The following GAK variants were observed in gnomAD, a reference collection of about 807,000 sequenced individuals.
The protein encoded by GAK is cyclin G associated kinase.
GAK carries 79 observed loss-of-function variants against 143.9 expected under a neutral mutation model. That is an observed-to-expected ratio of 0.55 (90% CI 0.46 to 0.66). The LOEUF (loss-of-function observed/expected upper bound fraction) is 0.66, where lower values mean the gene tolerates loss of function less well. Among genes scored for constraint, GAK ranks in the 30% least tolerant of loss-of-function variants. The probability of loss-of-function intolerance (pLI) is 0.00; values close to 1 mark genes in which losing one functional copy is unlikely to be tolerated. For missense variants in GAK, 1,693 were observed against 1,779.7 expected (o/e 0.95, Z 0.88); for synonymous variants, 881 against 765.5 (o/e 1.15, Z -2.49).
chr4:865,021 C>G (rs778197359), intron 23 of GAK, 101 bp downstream of exon 23: 1 of 1,463,304 alleles, frequency 6.8e-7, no homozygotes, highest in African/African-American at 1.4e-5. Context: ...TTCCTTCCTT[C>G]TCTGCGCAGA....
At chr4:896,178 C>G (rs779690493) in intron 7 of GAK, among the ~76,000 whole-genome samples, 1 of 152,130 alleles carries the variant, frequency 6.6e-6, no homozygotes, top group South Asian at 2.1e-4. Flanking sequence ...GTGGGAGGAT[C>G]CCTTGAGCCC....
At chr4:889,024 G>C in intron 10 of GAK, 54 bp from the exon 11 acceptor site, 1 of 1,548,040 alleles carries the variant, frequency 6.5e-7, no homozygotes, top group Non-Finnish European at 8.7e-7. Flanking sequence ...CACCTCCCCA[G>C]GTGCGGGTTG....
intron 3 of GAK, 166 bp from the exon 4 acceptor site, chr4:911,953 C>T (rs761454903): frequency 5.4e-5 from 30 of 558,804 alleles, no homozygotes; most frequent in Middle Eastern, 3.1e-4. Flanking sequence ...AGTGGACGAC[C>T]GAGAGAAAGG....
At chr4:903,212 T>C (rs1324477279) in intron 5 of GAK, among the ~76,000 whole-genome samples, 1 of 152,044 alleles carries the variant, frequency 6.6e-6, no homozygotes, top group Non-Finnish European at 1.5e-5. Flanking sequence ...TGTGTGGCAG[T>C]GTGGTGGGCA....
rs752149082 is a variant in GAK at position 850,021 on chromosome 4, C to G, written c.3705G>C (p.Leu1235=). 6.2e-7 allele frequency: 1 copy of G among 1,604,792 alleles called. No homozygotes were observed. Among genetic ancestry groups the G allele is most frequent in the Non-Finnish European group, 8.5e-7 (1 of 1,174,584 alleles). ...EGKERNIRAL[L]STLHTVLWDG... is the part of the protein sequence containing the mutation. ...CCCACAGCACTGTGTGCAGCGTGGACAGCAGGGCCCGGATGTTCCGCTCCT... is the reference window on the plus strand; with the variant it reads ...CCCACAGCACTGTGTGCAGCGTGGAGAGCAGGGCCCGGATGTTCCGCTCCT... The change falls in exon 27 of 28, where the codon CTG becomes CTC. Residue 1235 remains leucine (L), a synonymous_variant. Coordinates refer to ENST00000314167, the MANE Select transcript of GAK (RefSeq NM_005255.4).
intron 6 of GAK, 74 bp from the exon 7 acceptor site, chr4:896,623 T>G: frequency 8.6e-7 from 1 of 1,164,250 alleles, no homozygotes; most frequent in South Asian, 1.3e-5. Flanking sequence ...ACCACTTCCG[T>G]GCAGCTTTCC....
chr4:874,651 C>T (rs918610314), intron 18 of GAK, among the ~76,000 whole-genome samples: 5 of 151,746 alleles, frequency 3.3e-5, no homozygotes, highest in Non-Finnish European at 4.4e-5. Context: ...GGTACTGAAC[C>T]TCTTTTCTTC....
chr4:882,606 G>A, intron 14 of GAK, 91 bp downstream of exon 14: 1 of 1,499,334 alleles, frequency 6.7e-7, no homozygotes, highest in Non-Finnish European at 9.1e-7. Context: ...ACAGGCCCCA[G>A]CTCATGACTG....
intron 4 of GAK, among the ~76,000 whole-genome samples, chr4:908,065 G>A (rs1721403839): frequency 6.6e-6 from 1 of 152,190 alleles, no homozygotes; most frequent in African/African-American, 2.4e-5. Flanking sequence ...CACCCGTCCT[G>A]CTCAAGCCTT....
intron 20 of GAK, 69 bp from the exon 21 acceptor site, chr4:867,501 TC>T: frequency 8.9e-7 from 1 of 1,127,218 alleles, no homozygotes; most frequent in East Asian, 2.6e-5. Flanking sequence ...CCACGGCGCG[TC>T]CCTTCAGGGC....
intron 1 of GAK, among the ~76,000 whole-genome samples, chr4:925,768 T>A (rs1475560049): frequency 6.6e-6 from 1 of 152,170 alleles, no homozygotes; most frequent in African/African-American, 2.4e-5. Context: ...AGACACCAGA[T>A]CTGCCGGCGC....
intron 24 of GAK, among the ~76,000 whole-genome samples, chr4:858,629 T>C (rs1391949406): frequency 6.6e-6 from 1 of 151,876 alleles, no homozygotes; most frequent in Non-Finnish European, 1.5e-5. Context: ...ACCTGAAACA[T>C]AAAAAGAACA....
rs139521838 is a variant in GAK at position 851,046 on chromosome 4, G to A, written c.3547C>T (p.Leu1183=). ...PKVSENDFED[L]LSNQGFSSRS... ...GAGGAGAAGCCTTGATTGGACAACA[G>A]ATCTTCAAAGTCGTTCTCAGAGACT... is the stretch of plus-strand genomic sequence containing the variant. Residue 1183 remains leucine (L), a synonymous_variant, in exon 26 of 28, where the codon CTG becomes TTG. Coordinates refer to ENST00000314167, the MANE Select transcript of GAK (RefSeq NM_005255.4). The A allele has an allele frequency of 1.0e-4, 163 of 1,613,946 alleles. No individual in the cohort carries two copies. The highest frequency in any genetic ancestry group is 8.0e-5 in the Non-Finnish European group (94 of 1,179,940).
At position 849,529 on chromosome 4, in the gene GAK, A is replaced by G. The variant is rs776245295; in HGVS notation, c.*144T>C. On this transcript the variant is annotated 3_prime_UTR_variant, in exon 28 of 28. Coordinates refer to ENST00000314167, the MANE Select transcript of GAK (RefSeq NM_005255.4). ...AATGCTTTCTCTTCATGTGCCTGGA[A>G]CGCTGGGCGGGCGGTGACCCGGGGC... 26 of 624,084 alleles carry G rather than the reference A, an allele frequency of 4.2e-5. No individual in the cohort carries two copies. Among genetic ancestry groups the G allele is most frequent in the Non-Finnish European group, 7.3e-5 (25 of 342,354 alleles). The allele number at this position is 624,084 out of a possible 1,614,324, so 38.7% of individuals were successfully genotyped here.
At chr4:923,197 G>C (rs1436147105) in intron 1 of GAK, among the ~76,000 whole-genome samples, 1 of 152,018 alleles carries the variant, frequency 6.6e-6, no homozygotes, top group African/African-American at 2.4e-5. Context: ...ACCAGGCAAG[G>C]GTCTAAAATA....
In GAK at chr4:883,337, C is replaced by T. The variant is rs145652195; in HGVS notation, c.1382G>A (p.Arg461Gln). The change falls in exon 13 of 28, where the codon CGG (arginine) becomes CAG (glutamine). Residue 461 changes from arginine to glutamine, a missense_variant. Transcript: ENST00000314167. ...CACCCGGTTGTGGAACCTGGAGGGC[C>T]GGTAGGTCCTCGGGGACAGGTTGTA... is the stretch of plus-strand genomic sequence containing the variant. Reference protein sequence around the residue: ...AVYNLSPRTYRPSRFHNRVSE... With the variant: ...AVYNLSPRTYQPSRFHNRVSE... 655 of 1,613,358 alleles carry T rather than the reference C, an allele frequency of 4.1e-4. No homozygotes were observed. The highest frequency in any genetic ancestry group is 5.0e-4 in the Non-Finnish European group (588 of 1,179,986).
At chr4:896,416 GC>G (rs1415864189) in intron 7 of GAK, 43 bp downstream of exon 7, 1 of 1,535,538 alleles carries the variant, frequency 6.5e-7, no homozygotes, top group Non-Finnish European at 9.0e-7. Context: ...GTTAAGTAGG[GC>G]GCACGGAGCC....
chr4:908,287 G>A (rs1577267094), intron 4 of GAK, among the ~76,000 whole-genome samples: 1 of 152,126 alleles, frequency 6.6e-6, no homozygotes, highest in African/African-American at 2.4e-5. Context: ...GAGAAAGCCC[G>A]CAGGCCTCAA....
chr4:869,028 ACACAGGCG>A (rs1711708477), intron 19 of GAK: 1 of 289,302 alleles, frequency 3.5e-6, no homozygotes, highest in South Asian at 4.0e-5. Flanking sequence ...TAGAGCACAC[ACACAGGCG>A]CACAGTACAC....
Sources: gnomAD v4.1 joint callset for allele counts (sites outside exome capture counted in the v4.1 genomes callset) on GRCh38, gnomAD v4.1.1 for gene constraint, MANE v1.5 for transcripts, NCBI Gene and HGNC (gene_info 2026-07-23, HGNC 2026-07-21) for gene names.